RREB1: variants seen among roughly 807,000 people sequenced by gnomAD.
The protein encoded by RREB1 is ras responsive element binding protein 1, also known as ras-responsive element-binding protein 1.
RREB1 carries 27 observed loss-of-function variants against 117.8 expected under a neutral mutation model. That is an observed-to-expected ratio of 0.23 (90% confidence interval 0.17 to 0.32). RREB1 has a LOEUF of 0.32. Among genes scored for constraint, RREB1 ranks in the 10% least tolerant of loss-of-function variants. The probability of loss-of-function intolerance (pLI) is 1.00; values close to 1 mark genes in which losing one functional copy is unlikely to be tolerated. For synonymous variants in RREB1, 1,298 were observed against 1,026.7 expected (o/e 1.26, Z -5.05); for missense variants, 2,577 against 2,378.2 (o/e 1.08, Z -1.74).
At chr6:7,163,380 G>GTTTTA (rs1214520836) in intron 1 of RREB1, among the ~76,000 whole-genome samples, 1 of 152,096 alleles carries the variant, frequency 6.6e-6, no homozygotes, top group African/African-American at 2.4e-5. Flanking sequence ...TGACTTCAGC[G>GTTTTA]TTTTATTTTA....
At chr6:7,183,649 G>T (rs1410951665) in intron 4 of RREB1, 1 of 152,088 alleles carries the variant, frequency 6.6e-6, no homozygotes. Flanking sequence ...GTGTGAGGAG[G>T]CAACTGTGCA....
At chr6:7,198,428 T>C (rs1340668399) in intron 6 of RREB1, among the ~76,000 whole-genome samples, 1 of 152,230 alleles carries the variant, frequency 6.6e-6, no homozygotes, top group African/African-American at 2.4e-5. Context: ...TTCAGTTGTC[T>C]ACATCCAAGG....
At chr6:7,223,525 C>T (rs1445978166) in intron 8 of RREB1, among the ~76,000 whole-genome samples, 1 of 124,932 alleles carries the variant, frequency 8.0e-6, no homozygotes, top group Non-Finnish European at 1.6e-5. Flanking sequence ...TGCGCCATTG[C>T]ACTCCAGCCT....
intron 6 of RREB1, among the ~76,000 whole-genome samples, chr6:7,196,026 A>T (rs574039937): frequency 6.6e-6 from 1 of 152,084 alleles, no homozygotes; most frequent in Non-Finnish European, 1.5e-5. Context: ...AGCACAGTTG[A>T]CAACTACACA....
chr6:7,227,787 T>C (rs1767673844), intron 9 of RREB1, among the ~76,000 whole-genome samples: 1 of 152,086 alleles, frequency 6.6e-6, no homozygotes, highest in South Asian at 2.1e-4. Context: ...TGAAACTGGC[T>C]GGGCACAATG....
At chr6:7,187,954 G>GAGACCAGCCTGGCCAACATGGTCC (rs755409976) in intron 5 of RREB1, among the ~76,000 whole-genome samples, 3 of 151,996 alleles carry the variant, frequency 2.0e-5, no homozygotes, top group Non-Finnish European at 4.4e-5. Context: ...TCAGGATTTG[G>GAGACCAGCCTGGCCAACATGGTCC]AGACCAGCCT....
chr6:7,145,945 G>C (rs1469555689), intron 1 of RREB1, among the ~76,000 whole-genome samples: 1 of 146,624 alleles, frequency 6.8e-6, no homozygotes, highest in African/African-American at 2.7e-5. Context: ...GGTTGGGCAA[G>C]ACTGTTAAAG....
Position 7,247,400 on chromosome 6 carries a change from A to G in RREB1, c.4771+179A>G, listed in dbSNP as rs1293862908. ...GGAGTTGTACTCTCAGCCCTTGAAGACGGTGCAGGCCTCCTGCAGCCAGGC... is the reference window on the plus strand; with the variant it reads ...GGAGTTGTACTCTCAGCCCTTGAAGGCGGTGCAGGCCTCCTGCAGCCAGGC... On this transcript the variant is annotated intron_variant, in intron 12 of 12. Transcript: ENST00000379938. Among the ~76,000 whole-genome samples the G allele has an allele frequency of 2.0e-5, 3 of 151,860 alleles. 1 individual carries two copies. The East Asian group carries it at 5.9e-4, about 30-fold the overall frequency.
chr6:7,220,719 C>T (rs1288896853), intron 8 of RREB1, among the ~76,000 whole-genome samples: 2 of 152,228 alleles, frequency 1.3e-5, no homozygotes, highest in Non-Finnish European at 2.9e-5. Context: ...TCCTACAGCC[C>T]TCCCCTCTCC....
Position 7,246,920 on chromosome 6 carries a change from C to T in RREB1, c.4470C>T (p.Pro1490=). 2 of 1,554,946 alleles carry T rather than the reference C, an allele frequency of 1.3e-6. No homozygotes were observed. Among genetic ancestry groups the T allele is most frequent in the Non-Finnish European group, 1.7e-6 (2 of 1,150,142 alleles). Residue 1490 remains proline, a synonymous_variant, in exon 12 of 13, where the codon CCC becomes CCT. Transcript: ENST00000379938. The part of the protein sequence containing the change: ...GDGASTAEEG[P]QPAPEQEEKP... ...GCGCCAGCACTGCAGAGGAGGGGCC[C>T]CAGCCCGCCCCTGAACAGGAGGAGA...
intron 10 of RREB1, among the ~76,000 whole-genome samples, chr6:7,239,818 A>G (rs1180907134): frequency 3.3e-5 from 5 of 152,260 alleles, no homozygotes; most frequent in African/African-American, 9.6e-5. Flanking sequence ...GTGAACTTGA[A>G]CAGAGGTCAC....
chr6:7,229,992 C>T lies in RREB1; in HGVS notation c.1893C>T (p.Gly631=). 3 of 1,607,142 alleles carry T rather than the reference C, an allele frequency of 1.9e-6. No individual in the cohort carries two copies. Among genetic ancestry groups the T allele is most frequent in the Non-Finnish European group, 1.7e-6 (2 of 1,175,370 alleles). ...TCAAGGCCTTCATGACAGCGCCCGG[C>T]GGCAAGAAGACGCCCGCCATGCGCA... ...GELKAFMTAP[G]GKKTPAMRKV... Residue 631 remains glycine (G), a synonymous_variant, in exon 10 of 13, where the codon GGC becomes GGT. Transcript: ENST00000379938. This position sits in a 1 kb window ranked among gnomAD's most constrained non-coding sequence, Gnocchi z 4.5.
intron 7 of RREB1, 46 bp downstream of exon 7, chr6:7,210,994 G>T: frequency 6.4e-7 from 1 of 1,573,216 alleles, no homozygotes; most frequent in Non-Finnish European, 8.7e-7. Flanking sequence ...GGGGACTTCT[G>T]TCAGAAATAC....
intron 1 of RREB1, among the ~76,000 whole-genome samples, chr6:7,141,405 C>A (rs1423045660): frequency 6.6e-6 from 1 of 152,180 alleles, no homozygotes; most frequent in Non-Finnish European, 1.5e-5. Flanking sequence ...AACTCAGCTC[C>A]TTAAAAATAA....
Position 7,211,680 on chromosome 6 carries a change from C to T in RREB1, c.678C>T (p.His226=), listed in dbSNP as rs1438547521. ...TTTGCAAGTATGGACTGGAGACCCA[C>T]ATGGAGACCCATTCAGATAACCCAC... ...EFVCKYGLET[H]METHSDNPLR... Residue 226 remains histidine (H), a synonymous_variant, in exon 8 of 13, where the codon CAC becomes CAT. Coordinates refer to ENST00000379938, the MANE Select transcript of RREB1 (RefSeq NM_001003699.4). 6.2e-7 allele frequency: 1 copy of T among 1,614,056 alleles called. No individual in the cohort carries two copies. Among genetic ancestry groups the T allele is most frequent in the East Asian group, 2.2e-5 (1 of 44,888 alleles).
chr6:7,204,007 A>G (rs1766133196), intron 6 of RREB1, among the ~76,000 whole-genome samples: 1 of 152,176 alleles, frequency 6.6e-6, no homozygotes, highest in African/African-American at 2.4e-5. Context: ...CACCAGGAGC[A>G]TCCTGCGAGC....
intron 1 of RREB1, among the ~76,000 whole-genome samples, chr6:7,158,851 A>G (rs531844015): frequency 1.3e-5 from 2 of 151,642 alleles, no homozygotes; most frequent in Non-Finnish European, 2.9e-5. Flanking sequence ...CCATTTGTTT[A>G]TTTTTTTCAG....
At chr6:7,184,949 C>T (rs1035917346) in intron 4 of RREB1, 2 of 152,124 alleles carry the variant, frequency 1.3e-5, no homozygotes, top group African/African-American at 4.8e-5. Flanking sequence ...AACTCATCCC[C>T]AACTTTTGGC....
At chr6:7,240,382 T>G in intron 10 of RREB1, 56 bp from the exon 11 acceptor site, 1 of 1,481,100 alleles carries the variant, frequency 6.8e-7, no homozygotes, top group South Asian at 1.2e-5. Context: ...AAAGCGACTT[T>G]TCTATTTCAT....
Sources: allele counts gnomAD v4.1 joint callset (sites outside exome capture counted in the v4.1 genomes callset), GRCh38; gene constraint gnomAD v4.1.1; non-coding constraint Gnocchi (gnomAD v3.1); transcripts MANE v1.5; gene names NCBI Gene and HGNC (gene_info 2026-07-23, HGNC 2026-07-21).